Variants in EIF4G3 observed in about 807,000 individuals in gnomAD.
EIF4G3 encodes the protein eIF-4-gamma 3.
In EIF4G3, 34 loss-of-function variants were observed where a neutral mutation model predicts 186.4. The ratio of observed to expected loss-of-function variants is 0.18; its 90% CI spans 0.14 to 0.24. The LOEUF (loss-of-function observed/expected upper bound fraction) is 0.24, where lower values mean the gene tolerates loss of function less well. EIF4G3 is among the 10% of genes least tolerant of loss of function. EIF4G3 has a pLI of 1.00. For synonymous variants in EIF4G3, 673 were observed against 679.5 expected (o/e 0.99, Z 0.15); for missense variants, 1,536 against 1,948.5 (o/e 0.79, Z 3.99).
chr1:20,982,156 G>A (rs112593935), intron 8 of EIF4G3, among the ~76,000 whole-genome samples: 22 of 152,312 alleles, frequency 1.4e-4, no homozygotes, highest in African/African-American at 5.3e-4. Context: ...TGCAATAAAA[G>A]TGGACAATCT....
At chr1:21,133,348 C>T (rs957838833) in intron 2 of EIF4G3, among the ~76,000 whole-genome samples, 5 of 152,086 alleles carry the variant, frequency 3.3e-5, no homozygotes, top group African/African-American at 4.8e-5. Context: ...CCTCAGCCTC[C>T]GGAGTAGCTG....
At chr1:21,158,112 G>GA (rs2097695076) in intron 2 of EIF4G3, among the ~76,000 whole-genome samples, 1 of 150,022 alleles carries the variant, frequency 6.7e-6, no homozygotes, top group African/African-American at 2.5e-5. Context: ...TGAAAGCACT[G>GA]AAAGCATGAG....
intron 12 of EIF4G3, among the ~76,000 whole-genome samples, chr1:20,966,644 T>C (rs2074745527): frequency 6.6e-6 from 1 of 151,966 alleles, no homozygotes; most frequent in Non-Finnish European, 1.5e-5. Flanking sequence ...GCTAGTTTTT[T>C]TGTACTTTTA....
chr1:21,125,341 A>C (rs1036337382), intron 2 of EIF4G3, among the ~76,000 whole-genome samples: 3 of 152,238 alleles, frequency 2.0e-5, no homozygotes, highest in Non-Finnish European at 4.4e-5. Context: ...CATTTGAAAC[A>C]GTACCCTCAC....
chr1:20,955,460 C>T (rs1425470532), intron 12 of EIF4G3, among the ~76,000 whole-genome samples: 7 of 152,062 alleles, frequency 4.6e-5, no homozygotes, highest in Non-Finnish European at 1.0e-4. Context: ...GTCTTGAACT[C>T]CTGGGCTCAA....
intron 19 of EIF4G3, among the ~76,000 whole-genome samples, chr1:20,883,313 G>A (rs560318634): frequency 9.9e-5 from 15 of 152,176 alleles, no homozygotes; most frequent in African/African-American, 3.6e-4. Context: ...GATTAGTCGA[G>A]GAATGCCTTT....
At chr1:20,879,667 C>CTTCTCAAAT in intron 19 of EIF4G3, 147 bp from the exon 20 acceptor site, 1 of 472,752 alleles carries the variant, frequency 2.1e-6, no homozygotes, top group Non-Finnish European at 3.4e-6. Flanking sequence ...AATAATTAAA[C>CTTCTCAAAT]TAATCTATTT....
chr1:20,812,387 T>C (rs1172821695), intron 35 of EIF4G3, among the ~76,000 whole-genome samples: 7 of 152,272 alleles, frequency 4.6e-5, no homozygotes, highest in Non-Finnish European at 1.0e-4. Flanking sequence ...TACTTAGCTT[T>C]GTTATTTATC....
intron 16 of EIF4G3, among the ~76,000 whole-genome samples, chr1:20,897,657 C>G (rs955339497): frequency 3.3e-5 from 5 of 152,154 alleles, no homozygotes; most frequent in Admixed American, 6.5e-5. Context: ...GCTGATGGGT[C>G]TTTGAGAATA....
intron 2 of EIF4G3, among the ~76,000 whole-genome samples, chr1:21,149,313 GAGTT>G (rs2097511410): frequency 6.6e-6 from 1 of 152,002 alleles, no homozygotes; most frequent in Non-Finnish European, 1.5e-5. Flanking sequence ...ATACATCAAT[GAGTT>G]AGAGTTATGA....
chr1:21,122,552 T>G lies in EIF4G3; in HGVS notation c.-271-33339A>C, dbSNP rs118165928. 3.5e-4 allele frequency among the ~76,000 whole-genome samples: 54 copies of G among 152,320 alleles called. No individual in the cohort carries two copies. The East Asian group carries it at 0.01, about 29-fold the overall frequency. ...AAACCGGATGCTTTTTAAATAAACA[T>G]ATCCTTATTTAATATGCTTTCACAC... is the stretch of plus-strand genomic sequence containing the variant. On this transcript the variant is annotated intron_variant, in intron 2 of 36. Coordinates refer to ENST00000602326, the MANE Select transcript of EIF4G3 (RefSeq NM_001391906.1).
chr1:20,827,815 A>G, intron 31 of EIF4G3, 117 bp from the exon 32 acceptor site: 1 of 558,610 alleles, frequency 1.8e-6, no homozygotes, highest in Admixed American at 2.7e-5. Flanking sequence ...AATACTGGGC[A>G]AGCCAAAGCT....
intron 4 of EIF4G3, among the ~76,000 whole-genome samples, chr1:21,036,395 A>G (rs926351126): frequency 2.0e-5 from 3 of 152,172 alleles, no homozygotes; most frequent in Non-Finnish European, 2.9e-5. Context: ...AACTCAGGCA[A>G]AGGTGCCACA....
chr1:21,031,830 ATTC>A (rs1267595832), intron 4 of EIF4G3, among the ~76,000 whole-genome samples: 1 of 152,240 alleles, frequency 6.6e-6, no homozygotes, highest in Non-Finnish European at 1.5e-5. Context: ...ACTTTAGAAT[ATTC>A]TTCTCAGAGA....
intron 2 of EIF4G3, among the ~76,000 whole-genome samples, chr1:21,099,581 G>C (rs150297689): frequency 1.3e-5 from 2 of 152,202 alleles, no homozygotes; most frequent in Admixed American, 1.3e-4. Flanking sequence ...CAAAAAGACT[G>C]TAAGTCCATT....
At chr1:21,169,445 C>T (rs964086361) in intron 2 of EIF4G3, among the ~76,000 whole-genome samples, 1 of 151,846 alleles carries the variant, frequency 6.6e-6, no homozygotes, top group African/African-American at 2.4e-5. Context: ...AACACTCTCT[C>T]CCCCCAAAAA....
chr1:20,902,158 G>A (rs1041814682), intron 15 of EIF4G3, among the ~76,000 whole-genome samples: 1 of 151,526 alleles, frequency 6.6e-6, no homozygotes, highest in Non-Finnish European at 1.5e-5. Flanking sequence ...CCGCCTCCCA[G>A]GTTCAAGCGA....
chr1:20,958,767 A>C (rs2096498505), intron 12 of EIF4G3, among the ~76,000 whole-genome samples: 1 of 152,202 alleles, frequency 6.6e-6, no homozygotes, highest in African/African-American at 2.4e-5. Context: ...GACCAAGCTG[A>C]GAATTAAATC....
chr1:21,073,145 G>A (rs555784983), intron 3 of EIF4G3, among the ~76,000 whole-genome samples: 2 of 152,188 alleles, frequency 1.3e-5, no homozygotes, highest in East Asian at 3.9e-4. Context: ...CAATTCATCT[G>A]CTAATAAATA....
Sources: gnomAD v4.1 joint callset for allele counts (sites outside exome capture counted in the v4.1 genomes callset) on GRCh38, gnomAD v4.1.1 for gene constraint, MANE v1.5 for transcripts, NCBI Gene and HGNC (gene_info 2026-07-23, HGNC 2026-07-21) for gene names.